Variants in BRINP1 observed in about 807,000 individuals in gnomAD.
The protein encoded by BRINP1 is BMP/retinoic acid inducible neural specific 1, also known as BMP/retinoic acid-inducible neural-specific protein 1.
Under a neutral mutation model 72.9 loss-of-function variants are expected in BRINP1, and 17 were observed. The observed-to-expected ratio is 0.23, with a 90% CI of 0.16 to 0.35. The LOEUF (loss-of-function observed/expected upper bound fraction) is 0.35, where lower values mean the gene tolerates loss of function less well. BRINP1 is among the 10% of genes least tolerant of loss of function. The pLI, the probability that BRINP1 is intolerant of heterozygous loss-of-function variation, is 1.00. For missense variants in BRINP1, 850 were observed against 1,001.6 expected (o/e 0.85, Z 2.04); for synonymous variants, 418 against 378.5 (o/e 1.10, Z -1.21).
At chr9:119,294,594 G>T (rs1026482017) in intron 2 of BRINP1, among the ~76,000 whole-genome samples, 1 of 151,892 alleles carries the variant, frequency 6.6e-6, no homozygotes, top group Non-Finnish European at 1.5e-5. Flanking sequence ...GGCTGGGTGC[G>T]GTGGCTTACA....
intron 1 of BRINP1, among the ~76,000 whole-genome samples, chr9:119,352,822 T>G (rs192400261): frequency 1.8e-4 from 28 of 152,368 alleles, no homozygotes; most frequent in Middle Eastern, 6.8e-3. Context: ...ATCCTGCAAC[T>G]TATGATTCAA....
In BRINP1 at chr9:119,242,106, C is replaced by A. The variant is rs748119680; in HGVS notation, c.520G>T (p.Asp174Tyr). 6.2e-7 allele frequency: 1 copy of A among 1,614,006 alleles called. No homozygotes were observed. Residue 174 changes from aspartate (D) to tyrosine (Y), a missense_variant, in exon 4 of 8, where the codon GAC (aspartate) becomes TAC (tyrosine). Coordinates refer to ENST00000265922, the MANE Select transcript of BRINP1 (RefSeq NM_014618.3). Reference protein sequence around the residue: ...LHQLASSYFVDRDGTMRRLHE... With the variant: ...LHQLASSYFVYRDGTMRRLHE... The stretch of plus-strand genomic sequence containing the variant: ...AGCCTCCTCATGGTACCATCACGGT[C>A]AACAAAGTAGGATGATGCGAGCTGG...
chr9:119,217,038 A>T (rs985732889), intron 5 of BRINP1, among the ~76,000 whole-genome samples: 2 of 152,184 alleles, frequency 1.3e-5, no homozygotes, highest in African/African-American at 2.4e-5. Context: ...ATTAAAAAGC[A>T]CTTTTCTGTA....
intron 2 of BRINP1, among the ~76,000 whole-genome samples, chr9:119,261,782 C>T (rs1183046640): frequency 6.7e-6 from 1 of 149,988 alleles, no homozygotes; most frequent in Non-Finnish European, 1.5e-5. Flanking sequence ...TCTTTCCTTC[C>T]TTCCTTCCTC....
chr9:119,167,701 C>G lies in BRINP1; in HGVS notation c.1669G>C (p.Asp557His). ...TTGACATAGACAAAGAACATGGGGT[C>G]CAGGCTGCTGTTGCGCATCTGGCAG... is the stretch of plus-strand genomic sequence containing the variant. ...RICQMRNSSL[D>H]PMFFVYVNPF... Residue 557 changes from aspartate to histidine, a missense_variant, in exon 8 of 8, where the codon GAC becomes CAC. Physicochemically the swap from Asp to His is moderately conservative, Grantham distance 81. Coordinates refer to ENST00000265922, the MANE Select transcript of BRINP1 (RefSeq NM_014618.3). This position sits in a 1 kb window ranked among gnomAD's most constrained non-coding sequence, Gnocchi z 4.3. The G allele has an allele frequency of 6.2e-7, 1 of 1,614,092 alleles. No homozygotes were observed. The highest frequency in any genetic ancestry group is 8.5e-7 in the Non-Finnish European group (1 of 1,180,010).
At chr9:119,283,750 C>T (rs1182853115) in intron 2 of BRINP1, among the ~76,000 whole-genome samples, 1 of 152,162 alleles carries the variant, frequency 6.6e-6, no homozygotes, top group East Asian at 1.9e-4. Flanking sequence ...CCAGGCTGAT[C>T]TCGAACTCCT....
chr9:119,170,120 A>T (rs1365962449), intron 7 of BRINP1, among the ~76,000 whole-genome samples: 1 of 152,132 alleles, frequency 6.6e-6, no homozygotes, highest in East Asian at 1.9e-4. Context: ...AACGGAACAA[A>T]GCTGGATGGA....
intron 1 of BRINP1, among the ~76,000 whole-genome samples, chr9:119,367,221 G>GATATATATATATATATATCTATATAT (rs1554757523): frequency 1.0e-5 from 1 of 99,850 alleles, no homozygotes; most frequent in East Asian, 7.1e-4. Flanking sequence ...GTGTGTGATT[G>GATATATATATATATATATCTATATAT]ATATATATAT....
Position 119,167,960 on chromosome 9 carries a change from C to A in BRINP1, c.1410G>T (p.Arg470=). Residue 470 remains arginine, a synonymous_variant, in exon 8 of 8, where the codon CGG becomes CGT. Transcript: ENST00000265922. This position sits in a 1 kb window ranked among gnomAD's most constrained non-coding sequence, Gnocchi z 4.3. ...RCEPQNVDSE[R]SEQFISFETD... is the part of the protein sequence containing the mutation. ...TCTCAAAGCTGATGAACTGCTCGCT[C>A]CGCTCCGAGTCCACGTTCTGTGGTT... is the stretch of plus-strand genomic sequence containing the variant. 6.2e-7 allele frequency: 1 copy of A among 1,614,228 alleles called. No homozygotes were observed. Among genetic ancestry groups the A allele is most frequent in the Non-Finnish European group, 8.5e-7 (1 of 1,180,048 alleles).
At chr9:119,284,853 A>G (rs1437239551) in intron 2 of BRINP1, among the ~76,000 whole-genome samples, 2 of 152,136 alleles carry the variant, frequency 1.3e-5, no homozygotes, top group African/African-American at 4.8e-5. Context: ...TATACAAGGG[A>G]GCCGGCTCAT....
At chr9:119,298,246 C>A (rs922566742) in intron 2 of BRINP1, among the ~76,000 whole-genome samples, 2 of 152,324 alleles carry the variant, frequency 1.3e-5, no homozygotes, top group Admixed American at 1.3e-4. Flanking sequence ...TAAACAGGAA[C>A]AATAGGGCCC....
Position 119,313,124 on chromosome 9 carries a change from A to G in BRINP1, c.218+14T>C. On this transcript the variant is annotated intron_variant, in intron 2 of 7. Transcript: ENST00000265922. ...TATGAATGTAAGGCAAGGGCTATTT[A>G]GCCCAGGTCTTACCTGTATATTTTA... 1 of 1,612,030 alleles carries G rather than the reference A, an allele frequency of 6.2e-7. No individual in the cohort carries two copies. The highest frequency in any genetic ancestry group is 1.1e-5 in the South Asian group (1 of 90,816).
chr9:119,334,369 C>G (rs1000658541), intron 1 of BRINP1, among the ~76,000 whole-genome samples: 6 of 152,158 alleles, frequency 3.9e-5, no homozygotes, highest in Non-Finnish European at 8.8e-5. Context: ...GAAACTGAAT[C>G]ATCACCCCAC....
rs546856020 is a variant in BRINP1 at position 119,236,997 on chromosome 9, A to G, written c.685+1658T>C. On this transcript the variant is annotated intron_variant, in intron 5 of 7. Coordinates refer to ENST00000265922, the MANE Select transcript of BRINP1 (RefSeq NM_014618.3). ...ACCAAGCCCTCCATGCATGTTAGAA[A>G]ACAGAAGATATTTTCTAACCACCTT... 5.9e-5 allele frequency among the ~76,000 whole-genome samples: 9 copies of G among 152,288 alleles called. No homozygotes were observed. The South Asian group carries it at 1.0e-3, about 18-fold the overall frequency.
intron 1 of BRINP1, among the ~76,000 whole-genome samples, chr9:119,361,504 C>T (rs1831629579): frequency 1.3e-5 from 2 of 152,192 alleles, no homozygotes; most frequent in Admixed American, 1.3e-4. Flanking sequence ...GGTATGACCT[C>T]TTTTAAATTT....
chr9:119,208,709 C>CA lies in BRINP1; in HGVS notation c.1145+9dup. The CA allele has an allele frequency of 6.2e-7, 1 of 1,612,008 alleles. No homozygotes were observed. Among genetic ancestry groups the CA allele is most frequent in the South Asian group, 1.1e-5 (1 of 90,996 alleles). On this transcript the variant is annotated intron_variant, in intron 7 of 7. Transcript: ENST00000265922. ...GTGCCTGCAGAGGTGGAGGTGGTGG[C>CA]AACACTTACCTCTCTCTAGGCAGCT...
chr9:119,329,059 T>C (rs1343979681), intron 1 of BRINP1, among the ~76,000 whole-genome samples: 1 of 152,150 alleles, frequency 6.6e-6, no homozygotes, highest in Non-Finnish European at 1.5e-5. Flanking sequence ...CAGAAATAGA[T>C]GCCAAAGATA....
intron 2 of BRINP1, among the ~76,000 whole-genome samples, chr9:119,252,644 T>C (rs1484466408): frequency 6.6e-6 from 1 of 151,984 alleles, no homozygotes; most frequent in Non-Finnish European, 1.5e-5. Context: ...TCCTTAAAAT[T>C]AATATTTATT....
intron 7 of BRINP1, among the ~76,000 whole-genome samples, chr9:119,191,055 T>G (rs747455403): frequency 6.6e-6 from 1 of 151,914 alleles, no homozygotes; most frequent in Non-Finnish European, 1.5e-5. Flanking sequence ...CCTCAATTGA[T>G]ACAGAAAAAA....
Sources: allele counts gnomAD v4.1 joint callset (sites outside exome capture counted in the v4.1 genomes callset), GRCh38; gene constraint gnomAD v4.1.1; non-coding constraint Gnocchi (gnomAD v3.1); transcripts MANE v1.5; gene names NCBI Gene and HGNC (gene_info 2026-07-23, HGNC 2026-07-21).